RAB27A: variants seen among roughly 807,000 people sequenced by gnomAD.
RAB27A encodes ras-related protein Rab-27A.
In RAB27A, 17 loss-of-function variants were observed where a neutral mutation model predicts 20.8. That is an observed-to-expected ratio of 0.82 (90% CI 0.56 to 1.23). The LOEUF (loss-of-function observed/expected upper bound fraction) is 1.23. Ranked by LOEUF, RAB27A falls within the 50% of genes most tolerant of loss-of-function variation. The pLI, the probability that RAB27A is intolerant of heterozygous loss-of-function variation, is 0.00. For missense variants in RAB27A, 277 were observed against 266.7 expected (o/e 1.04, Z -0.27); for synonymous variants, 85 against 92.8 (o/e 0.92, Z 0.48).
At chr15:55,245,309 C>T (rs1896645679) in intron 2 of RAB27A, among the ~76,000 whole-genome samples, 1 of 152,088 alleles carries the variant, frequency 6.6e-6, no homozygotes, top group Non-Finnish European at 1.5e-5. Context: ...GTTGCGCCCT[C>T]CCTAATATGT....
At position 55,203,583 on chromosome 15, in the gene RAB27A, T is replaced by G. The variant is rs1011975281; in HGVS notation, c.*1924A>C. ...GTGCCCACCACCACGCCCAGCCCAT[T>G]TTTTTTTTTTTTTTTTTTTTAGTAG... On this transcript the variant is annotated 3_prime_UTR_variant, in exon 7 of 7. Coordinates refer to ENST00000336787, the MANE Select transcript of RAB27A (RefSeq NM_183235.3). The G allele has an allele frequency of 1.6e-5, 2 of 127,472 alleles. No individual in the cohort carries two copies. The highest frequency in any genetic ancestry group is 6.5e-5 in the African/African-American group (2 of 30,600). The allele number at this position is 127,472 out of a possible 1,614,324, so 7.9% of individuals were successfully genotyped here. A position where few individuals can be genotyped will look rare whatever the true frequency, so the allele number is the denominator to read the frequency against.
intron 2 of RAB27A, among the ~76,000 whole-genome samples, chr15:55,267,862 C>T (rs554819920): frequency 1.6e-3 from 241 of 152,280 alleles, no homozygotes; most frequent in African/African-American, 5.4e-3. Flanking sequence ...GTTGCCGTGA[C>T]GCCATCCTGC....
chr15:55,220,007 AC>A (rs992033206), intron 6 of RAB27A, among the ~76,000 whole-genome samples: 43 of 152,258 alleles, frequency 2.8e-4, no homozygotes, highest in African/African-American at 9.6e-4. Flanking sequence ...TTAGGCCACT[AC>A]AAATTTTTTT....
intron 2 of RAB27A, among the ~76,000 whole-genome samples, chr15:55,268,741 T>G (rs1275248248): frequency 6.6e-6 from 1 of 152,232 alleles, no homozygotes; most frequent in East Asian, 1.9e-4. Context: ...GTTTACTGCA[T>G]GCATTTTGAG....
At chr15:55,306,218 A>G (rs1023312209) in intron 2 of RAB27A, among the ~76,000 whole-genome samples, 6 of 152,212 alleles carry the variant, frequency 3.9e-5, no homozygotes, top group African/African-American at 1.4e-4. Flanking sequence ...GATTGGAAAC[A>G]AGAGGTCCTA....
chr15:55,224,578 G>T (rs937903343), intron 5 of RAB27A, among the ~76,000 whole-genome samples: 1 of 152,158 alleles, frequency 6.6e-6, no homozygotes, highest in Non-Finnish European at 1.5e-5. Context: ...TAAACAGTAA[G>T]TGATTCTGTC....
chr15:55,262,279 T>C (rs533890460), intron 2 of RAB27A, among the ~76,000 whole-genome samples: 18 of 152,186 alleles, frequency 1.2e-4, no homozygotes, highest in African/African-American at 3.4e-4. Context: ...CGGTGGCTCA[T>C]GCATGTAATC....
chr15:55,248,863 GTC>G (rs1277132496), intron 2 of RAB27A: 1 of 151,968 alleles, frequency 6.6e-6, no homozygotes, highest in Non-Finnish European at 1.5e-5. Context: ...CAAGTCTACT[GTC>G]TCCATTAATA....
intron 2 of RAB27A, among the ~76,000 whole-genome samples, chr15:55,257,957 C>T (rs1330862689): frequency 3.3e-5 from 5 of 151,742 alleles, no homozygotes; most frequent in African/African-American, 1.2e-4. Context: ...CATGCCACTG[C>T]ACTCCAGGCT....
chr15:55,284,289 C>T (rs751837472), intron 1 of RAB27A, among the ~76,000 whole-genome samples: 3 of 152,150 alleles, frequency 2.0e-5, no homozygotes, highest in Non-Finnish European at 2.9e-5. Flanking sequence ...TGTATATCTT[C>T]CATATTTATT....
Position 55,230,556 on chromosome 15 carries a change from T to C in RAB27A, c.154-70A>G. On this transcript the variant is annotated intron_variant, in intron 3 of 6. Coordinates refer to ENST00000336787, the MANE Select transcript of RAB27A (RefSeq NM_183235.3). ...ACCAGCGAACCTTCTCACCTTTTTG[T>C]TCAGTACAAATCCCAAAGGCATCTA... is the stretch of plus-strand genomic sequence containing the variant. 4.6e-6 allele frequency: 6 copies of C among 1,301,916 alleles called. No homozygotes were observed. The Middle Eastern group carries it at 1.1e-3, about 237-fold the overall frequency. 80.6% of individuals were successfully genotyped at this position (1,301,916 alleles called of 1,614,324 possible). A position where few individuals can be genotyped will look rare whatever the true frequency, so the allele number is the denominator to read the frequency against.
chr15:55,310,233 C>T (rs1339006526), intron 2 of RAB27A, among the ~76,000 whole-genome samples: 1 of 152,110 alleles, frequency 6.6e-6, no homozygotes, highest in Non-Finnish European at 1.5e-5. Flanking sequence ...CAGATAGTGA[C>T]AGATCTGGAG....
At chr15:55,259,551 T>A (rs1216078917) in intron 2 of RAB27A, among the ~76,000 whole-genome samples, 1 of 152,160 alleles carries the variant, frequency 6.6e-6, no homozygotes, top group Non-Finnish European at 1.5e-5. Flanking sequence ...CCTCCCAAAG[T>A]GCTAGGATTA....
In RAB27A at chr15:55,287,819, T is replaced by C. The variant is rs568431992; in HGVS notation, c.-143+1897A>G. On this transcript the variant is annotated intron_variant, in intron 1 of 6. Coordinates refer to ENST00000336787, the MANE Select transcript of RAB27A (RefSeq NM_183235.3). ...AAAACAATCTTGAAAAAGAACAAGGTTGGAGGACTCACATATCCTGATTTC... is the reference window on the plus strand; with the variant it reads ...AAAACAATCTTGAAAAAGAACAAGGCTGGAGGACTCACATATCCTGATTTC... 5.9e-5 allele frequency among the ~76,000 whole-genome samples: 9 copies of C among 151,666 alleles called. No individual in the cohort carries two copies. The South Asian group carries it at 1.9e-3, about 32-fold the overall frequency.
upstream of RAB27A, among the ~76,000 whole-genome samples, chr15:55,291,992 C>A (rs972695607): frequency 1.3e-5 from 2 of 151,940 alleles, no homozygotes; most frequent in Non-Finnish European, 2.9e-5. Flanking sequence ...GGGCAAGGGG[C>A]AAGGGAGAAG....
chr15:55,261,768 A>G (rs1897276590), intron 2 of RAB27A, among the ~76,000 whole-genome samples: 1 of 143,694 alleles, frequency 7.0e-6, no homozygotes, highest in Non-Finnish European at 1.5e-5. Flanking sequence ...GGCCAGGCAC[A>G]GTGGCTCATG....
At chr15:55,296,227 C>T (rs891569454) in intron 2 of RAB27A, among the ~76,000 whole-genome samples, 2 of 149,960 alleles carry the variant, frequency 1.3e-5, no homozygotes, top group African/African-American at 4.9e-5. Context: ...TGGTGTGGGG[C>T]CTGACGCGGT....
chr15:55,239,821 G>A (rs1326022989), intron 2 of RAB27A, among the ~76,000 whole-genome samples: 1 of 152,138 alleles, frequency 6.6e-6, no homozygotes, highest in Non-Finnish European at 1.5e-5. Flanking sequence ...AAGGGAGTTG[G>A]GGGCAGGCAG....
intron 2 of RAB27A, among the ~76,000 whole-genome samples, chr15:55,297,142 A>C (rs553696987): frequency 6.6e-6 from 1 of 152,328 alleles, no homozygotes; most frequent in Non-Finnish European, 1.5e-5. Context: ...TTGGTACCAG[A>C]GGCTCAAAGC....
Sources: gnomAD v4.1 joint callset for allele counts (sites outside exome capture counted in the v4.1 genomes callset) on GRCh38, gnomAD v4.1.1 for gene constraint, MANE v1.5 for transcripts, NCBI Gene and HGNC (gene_info 2026-07-23, HGNC 2026-07-21) for gene names.